The following CIB1 variants were observed in gnomAD, a reference collection of about 807,000 sequenced individuals.
CIB1 encodes the protein calcium and integrin-binding protein 1.
Under a neutral mutation model 25.0 loss-of-function variants are expected in CIB1, and 19 were observed. That is an observed-to-expected ratio of 0.76 (90% confidence interval 0.53 to 1.12). The LOEUF is 1.12. CIB1 is among the 50% of genes most tolerant of loss of function. The probability of loss-of-function intolerance (pLI) is 0.00; values close to 1 mark genes in which losing one functional copy is unlikely to be tolerated. For synonymous variants in CIB1, 104 were observed against 98.5 expected (o/e 1.06, Z -0.33); for missense variants, 236 against 242.6 (o/e 0.97, Z 0.18).
the CIB1 span, chr15:90,243,846 T>G: frequency 6.6e-6 from 1 of 151,112 alleles, no homozygotes; most frequent in Admixed American, 6.6e-5. Flanking sequence ...CTTGCCAAGT[T>G]GCCCAGGCTG....
the CIB1 span, among the ~76,000 whole-genome samples, chr15:90,256,553 C>T: frequency 0.46 from 35,424 of 76,782 alleles, 5,943 homozygotes; most frequent in East Asian, 0.75. Flanking sequence ...CTTTTTCTTT[C>T]TTTCTTTCTT....
intron 3 of CIB1, 29 bp downstream of exon 3, chr15:90,232,190 G>T: frequency 1.3e-6 from 2 of 1,552,098 alleles, no homozygotes; most frequent in Non-Finnish European, 1.8e-6. Flanking sequence ...AGTGGTGGGA[G>T]AGGTGTCAAA....
the CIB1 span, chr15:90,250,533 G>A: frequency 5.5e-6 from 8 of 1,442,674 alleles, no homozygotes; most frequent in Admixed American, 2.3e-5. Flanking sequence ...CATGAAGGTC[G>A]TTCTGGTGGA....
the CIB1 span, chr15:90,257,908 C>T: frequency 1.0e-6 from 1 of 980,492 alleles, no homozygotes; most frequent in Non-Finnish European, 1.5e-6. Flanking sequence ...ATAACTAGTC[C>T]CTGCTCCAAA....
chr15:90,230,608 A>C (rs897170963), intron 6 of CIB1, 103 bp from the exon 7 acceptor site: 1 of 1,254,882 alleles, frequency 8.0e-7, no homozygotes, highest in Admixed American at 2.0e-5. Flanking sequence ...GGAACGGGCT[A>C]TGTTCCGTGT....
chr15:90,263,639 TG>T, the CIB1 span: 1 of 598,418 alleles, frequency 1.7e-6, no homozygotes, highest in Admixed American at 2.9e-5. Flanking sequence ...GGTTAAATAG[TG>T]GCCGCGGCCT....
At chr15:90,264,703 C>A in the CIB1 span, 1 of 1,534,770 alleles carries the variant, frequency 6.5e-7, no homozygotes, top group Non-Finnish European at 8.7e-7. Flanking sequence ...TCAGGGACAT[C>A]CATGTTTCCA....
chr15:90,248,184 G>A, the CIB1 span, among the ~76,000 whole-genome samples: 2 of 152,082 alleles, frequency 1.3e-5, no homozygotes, highest in African/African-American at 4.8e-5. Flanking sequence ...GGGACTACAG[G>A]GCCTGCCACC....
the CIB1 span, chr15:90,243,640 G>GTTTTTTT: frequency 3.0e-5 from 3 of 99,408 alleles, no homozygotes; most frequent in South Asian, 3.4e-4. Context: ...CTTGGTGCAG[G>GTTTTTTT]TTTTTTTTTT....
chr15:90,262,202 C>T, the CIB1 span: 21 of 1,522,552 alleles, frequency 1.4e-5, no homozygotes, highest in Admixed American at 8.1e-5. Context: ...GTACTTTGAC[C>T]GACATTCTCC....
At chr15:90,235,293 C>T (rs528709068), upstream of CIB1, among the ~76,000 whole-genome samples, 2 of 152,258 alleles carry the variant, frequency 1.3e-5, no homozygotes, top group African/African-American at 2.4e-5. Context: ...AGGCCAGGCG[C>T]GGTGGCTCAT....
At position 90,231,116 on chromosome 15, in the gene CIB1, C is replaced by G. The variant is rs34645714; in HGVS notation, c.444G>C (p.Glu148Asp). 6.2e-7 allele frequency: 1 copy of G among 1,614,230 alleles called. No individual in the cohort carries two copies. Among genetic ancestry groups the G allele is most frequent in the Non-Finnish European group, 8.5e-7 (1 of 1,180,032 alleles). The change falls in exon 5 of 7, where the codon GAG (glutamate) becomes GAC (aspartate). Residue 148 changes from glutamate (E) to aspartate (D), a missense_variant. Transcript: ENST00000328649. ...TCACGTTGTCGATGAGCTGCTTCATCTCAGACGCACTAAGCCGTGTGTCCT... is the reference window on the plus strand; with the variant it reads ...TCACGTTGTCGATGAGCTGCTTCATGTCAGACGCACTAAGCCGTGTGTCCT... ...EGEDTRLSAS[E>D]MKQLIDNILE...
the CIB1 span, among the ~76,000 whole-genome samples, chr15:90,239,437 C>T: frequency 6.6e-6 from 1 of 151,888 alleles, no homozygotes; most frequent in Non-Finnish European, 1.5e-5. Context: ...CAAGGGTGGA[C>T]AGGCCTCAGG....
intron 3 of CIB1, 76 bp downstream of exon 3, chr15:90,232,143 T>C: frequency 8.6e-7 from 1 of 1,160,910 alleles, no homozygotes; most frequent in Non-Finnish European, 1.3e-6. Context: ...ATCCCAAAGC[T>C]AGTGGCAGAT....
chr15:90,246,009 C>G, the CIB1 span, among the ~76,000 whole-genome samples: 1 of 152,166 alleles, frequency 6.6e-6, no homozygotes, highest in South Asian at 2.1e-4. Flanking sequence ...CACGGTGGCA[C>G]ACTCCTGTAA....
chr15:90,263,602 T>A, the CIB1 span: 5 of 576,956 alleles, frequency 8.7e-6, no homozygotes, highest in South Asian at 1.1e-4. Context: ...GGGTCTTCTG[T>A]TTTTGTTGAA....
chr15:90,230,630 C>G, intron 6 of CIB1, 125 bp from the exon 7 acceptor site: 1 of 1,013,874 alleles, frequency 9.9e-7, no homozygotes, highest in Non-Finnish European at 1.5e-6. Context: ...TCAGCCCCCT[C>G]TGCAAGAACT....
At chr15:90,231,813 T>C (rs886818421) in intron 3 of CIB1, among the ~76,000 whole-genome samples, 1 of 152,212 alleles carries the variant, frequency 6.6e-6, no homozygotes, top group African/African-American at 2.4e-5. Context: ...CGAGATGGGC[T>C]GGTTATTTTA....
chr15:90,264,110 G>A, the CIB1 span: 1 of 1,179,594 alleles, frequency 8.5e-7, no homozygotes, highest in Non-Finnish European at 1.2e-6. Context: ...AATCCCACTA[G>A]CAAGCATAGA....
Sources: allele counts gnomAD v4.1 joint callset (sites outside exome capture counted in the v4.1 genomes callset), GRCh38; gene constraint gnomAD v4.1.1; transcripts MANE v1.5; gene names NCBI Gene and HGNC (gene_info 2026-07-23, HGNC 2026-07-21).